The following ZNF317 variants were observed in gnomAD, a reference collection of about 807,000 sequenced individuals.
ZNF317 encodes the protein KRAB-containing zinc finger protein 317.
A neutral mutation model predicts 23.4 loss-of-function variants in ZNF317; 17 were observed. That is an observed-to-expected ratio of 0.73 (90% confidence interval 0.50 to 1.09). The LOEUF is 1.09. Among genes scored for constraint, ZNF317 ranks in the 50% least tolerant of loss-of-function variants. The pLI, the probability that ZNF317 is intolerant of heterozygous loss-of-function variation, is 0.00. For synonymous variants in ZNF317, 317 were observed against 314.9 expected (o/e 1.01, Z -0.07); for missense variants, 679 against 796.7 (o/e 0.85, Z 1.78).
In ZNF317 at chr19:9,144,871, G is replaced by A. The variant is rs78507047; in HGVS notation, c.-93+4279G>A. Among the ~76,000 whole-genome samples the A allele has an allele frequency of 8.4e-3, 1,264 of 150,070 alleles. 15 individuals carry two copies. Among genetic ancestry groups the A allele is most frequent in the African/African-American group, 0.03 (1,212 of 39,766 alleles). On this transcript the variant is annotated intron_variant, in intron 1 of 6. Transcript: ENST00000247956. ...GTCTTTGATGATGTCTCTTTTCTGT[G>A]GGTTGCAAGCCCACAGGAACTTTGT...
At chr19:9,156,175 A>C in intron 2 of ZNF317, 134 bp downstream of exon 2, 1 of 1,090,196 alleles carries the variant, frequency 9.2e-7, no homozygotes, top group Non-Finnish European at 1.4e-6. Context: ...GTGGGAACAG[A>C]GCCCCAGCAG....
At chr19:9,154,540 A>T (rs913423721) in intron 1 of ZNF317, among the ~76,000 whole-genome samples, 3 of 152,014 alleles carry the variant, frequency 2.0e-5, no homozygotes, top group South Asian at 2.1e-4. Context: ...TTCTCCATGT[A>T]GTGTGTCTGC....
chr19:9,152,717 A>G (rs541913678), intron 1 of ZNF317, among the ~76,000 whole-genome samples: 1 of 152,192 alleles, frequency 6.6e-6, no homozygotes, highest in Non-Finnish European at 1.5e-5. Flanking sequence ...ATATATTACA[A>G]TGTAATAATA....
chr19:9,155,104 T>C (rs1346166117), intron 1 of ZNF317, among the ~76,000 whole-genome samples: 1 of 152,124 alleles, frequency 6.6e-6, no homozygotes, highest in Non-Finnish European at 1.5e-5. Flanking sequence ...TATCTAGGAG[T>C]TCTTTAATCT....
At position 9,161,003 on chromosome 19, in the gene ZNF317, A is replaced by G. The variant is rs1393818958; in HGVS notation, c.1358A>G (p.Lys453Arg). Residue 453 changes from lysine to arginine, a missense_variant, in exon 7 of 7, where the codon AAA becomes AGA. Transcript: ENST00000247956. This position sits in a 1 kb window ranked among gnomAD's most constrained non-coding sequence, Gnocchi z 4.0. ...CCATACGGGTGCGATCTCTGCGGGA[A>G]AGCTTTCAGCGCGAGTTCAAACCTC... The part of the protein sequence containing the change: ...EKPYGCDLCG[K>R]AFSASSNLTA... The G allele has an allele frequency of 1.9e-6, 3 of 1,614,112 alleles. No individual in the cohort carries two copies. In the African/African-American group the frequency reaches 4.0e-5, roughly 22 times the overall value.
intron 1 of ZNF317, among the ~76,000 whole-genome samples, chr19:9,144,064 G>A (rs146450270): frequency 8.4e-4 from 126 of 150,364 alleles, no homozygotes; most frequent in African/African-American, 1.4e-3. Context: ...GTGCAATGGC[G>A]CGATCTTGGC....
chr19:9,154,558 C>T (rs1385565574), intron 1 of ZNF317, among the ~76,000 whole-genome samples: 3 of 152,032 alleles, frequency 2.0e-5, no homozygotes, highest in Non-Finnish European at 4.4e-5. Flanking sequence ...TGCATAGTTT[C>T]TTTTTATTGC....
Position 9,160,172 on chromosome 19 carries a change from G to A in ZNF317, c.527G>A (p.Gly176Asp), listed in dbSNP as rs766685740. 8.7e-6 allele frequency: 14 copies of A among 1,613,998 alleles called. No individual in the cohort carries two copies. Among genetic ancestry groups the A allele is most frequent in the Non-Finnish European group, 1.1e-5 (13 of 1,180,030 alleles). The change falls in exon 7 of 7, where the codon GGC becomes GAC. Residue 176 changes from glycine (G) to aspartate (D), a missense_variant. Physicochemically the swap from Gly to Asp is moderately conservative, Grantham distance 94. Transcript: ENST00000247956. This position sits in a 1 kb window ranked among gnomAD's most constrained non-coding sequence, Gnocchi z 6.8. ...TEYAHLFEVF[G>D]MDPHLTQPMG... ...TACGCTCACTTGTTCGAAGTCTTTGGCATGGACCCTCATCTCACTCAGCCA... is the reference window on the plus strand; with the variant it reads ...TACGCTCACTTGTTCGAAGTCTTTGACATGGACCCTCATCTCACTCAGCCA...
intron 1 of ZNF317, among the ~76,000 whole-genome samples, chr19:9,142,660 A>C (rs2050644376): frequency 6.6e-6 from 1 of 151,536 alleles, no homozygotes; most frequent in Non-Finnish European, 1.5e-5. Context: ...CTAGTACCTT[A>C]AATTATGGCA....
At chr19:9,142,596 CTGTT>C (rs1413678485) in intron 1 of ZNF317, among the ~76,000 whole-genome samples, 2 of 125,434 alleles carry the variant, frequency 1.6e-5, no homozygotes, top group East Asian at 4.4e-4. Context: ...CATTTTGTAT[CTGTT>C]TGATACAAAA....
intron 1 of ZNF317, among the ~76,000 whole-genome samples, chr19:9,152,186 G>A (rs1011876981): frequency 2.1e-4 from 32 of 152,258 alleles, no homozygotes; most frequent in Non-Finnish European, 2.8e-4. Flanking sequence ...GATTACAGGC[G>A]TGAGCCACCG....
intron 1 of ZNF317, among the ~76,000 whole-genome samples, chr19:9,141,433 G>A (rs759631484): frequency 6.6e-6 from 1 of 152,104 alleles, no homozygotes; most frequent in Non-Finnish European, 1.5e-5. Flanking sequence ...ATTTGACTGC[G>A]TATACATCTT....
chr19:9,150,866 G>T (rs1280196758), intron 1 of ZNF317, among the ~76,000 whole-genome samples: 1 of 152,188 alleles, frequency 6.6e-6, no homozygotes, highest in South Asian at 2.1e-4. Context: ...AGTCACGTCA[G>T]CTGGGCTCAC....
chr19:9,145,370 G>T (rs1442225819), intron 1 of ZNF317, among the ~76,000 whole-genome samples: 1 of 152,198 alleles, frequency 6.6e-6, no homozygotes, highest in Non-Finnish European at 1.5e-5. Context: ...TGATCCACCT[G>T]CCTTGGCCTC....
chr19:9,160,166 T>C lies in ZNF317; in HGVS notation c.521T>C (p.Val174Ala). 1 of 1,614,136 alleles carries C rather than the reference T, an allele frequency of 6.2e-7. No individual in the cohort carries two copies. Among genetic ancestry groups the C allele is most frequent in the Non-Finnish European group, 8.5e-7 (1 of 1,180,020 alleles). The change falls in exon 7 of 7, where the codon GTC becomes GCC. Residue 174 changes from valine (V) to alanine (A), a missense_variant. Transcript: ENST00000247956. This position sits in a 1 kb window ranked among gnomAD's most constrained non-coding sequence, Gnocchi z 6.8. The part of the protein sequence containing the change: ...KSTEYAHLFE[V>A]FGMDPHLTQP... The stretch of plus-strand genomic sequence containing the variant: ...ACTGAATACGCTCACTTGTTCGAAG[T>C]CTTTGGCATGGACCCTCATCTCACT...
intron 1 of ZNF317, among the ~76,000 whole-genome samples, chr19:9,149,636 G>C (rs1447578309): frequency 6.6e-6 from 1 of 152,002 alleles, no homozygotes. Context: ...ATGGCTGGCG[G>C]GGCCTGATGC....
At chr19:9,158,363 C>CTTTTTTTTTTGTTTTTTTTTT (rs2050809257) in intron 5 of ZNF317, among the ~76,000 whole-genome samples, 1 of 76,496 alleles carries the variant, frequency 1.3e-5, no homozygotes, top group African/African-American at 6.4e-5. Context: ...TTTCTTTTTT[C>CTTTTTTTTTTGTTTTTTTTTT]TTTTTTTTTT....
intron 1 of ZNF317, among the ~76,000 whole-genome samples, chr19:9,144,813 G>T (rs1024918772): frequency 6.6e-6 from 1 of 151,758 alleles, no homozygotes; most frequent in Admixed American, 6.6e-5. Flanking sequence ...TGTTTGCTTT[G>T]GTTCTTTAAT....
chr19:9,157,453 T>C (rs1164882338), intron 4 of ZNF317, 59 bp downstream of exon 4: 1 of 1,604,358 alleles, frequency 6.2e-7, no homozygotes, highest in South Asian at 1.1e-5. Flanking sequence ...TTTGTTTGAG[T>C]ATGTTCTGTG....
Sources: gnomAD v4.1 joint callset for allele counts (sites outside exome capture counted in the v4.1 genomes callset) on GRCh38, gnomAD v4.1.1 for gene constraint, Gnocchi (gnomAD v3.1) non-coding constraint, MANE v1.5 for transcripts, NCBI Gene and HGNC (gene_info 2026-07-23, HGNC 2026-07-21) for gene names.